Variants in EXOC4 observed in about 807,000 individuals in gnomAD.
EXOC4 encodes the protein exocyst complex component 4.
In EXOC4, 71 loss-of-function variants were observed where a neutral mutation model predicts 107.2. The ratio of observed to expected loss-of-function variants is 0.66; its 90% CI spans 0.55 to 0.81. The LOEUF (loss-of-function observed/expected upper bound fraction) is 0.81, where lower values mean the gene tolerates loss of function less well. Among genes scored for constraint, EXOC4 ranks in the 30% least tolerant of loss-of-function variants. EXOC4 has a pLI of 0.00. For synonymous variants in EXOC4, 456 were observed against 441.2 expected (o/e 1.03, Z -0.42); for missense variants, 1,108 against 1,189.6 (o/e 0.93, Z 1.01).
chr7:133,777,060 T>C (rs1391786438), intron 10 of EXOC4, among the ~76,000 whole-genome samples: 7 of 152,160 alleles, frequency 4.6e-5, no homozygotes, highest in Non-Finnish European at 1.0e-4. Flanking sequence ...TTAATTTATA[T>C]TTTTAAACAT....
At chr7:134,042,021 A>G (rs907411507) in intron 17 of EXOC4, among the ~76,000 whole-genome samples, 1 of 152,102 alleles carries the variant, frequency 6.6e-6, no homozygotes, top group Non-Finnish European at 1.5e-5. Context: ...CGATCATATA[A>G]TATGTAGCAG....
chr7:134,001,519 A>G (rs1344095995), intron 15 of EXOC4, among the ~76,000 whole-genome samples: 4 of 152,100 alleles, frequency 2.6e-5, no homozygotes, highest in African/African-American at 9.7e-5. Context: ...ATAATACCTT[A>G]AAGAAAGGTT....
chr7:133,607,517 A>G (rs1801977191), intron 9 of EXOC4, among the ~76,000 whole-genome samples: 1 of 152,222 alleles, frequency 6.6e-6, no homozygotes, highest in African/African-American at 2.4e-5. Flanking sequence ...CTGCATAACA[A>G]TATTTAAATG....
chr7:133,775,085 GT>G (rs1012570699), intron 10 of EXOC4, among the ~76,000 whole-genome samples: 6 of 152,110 alleles, frequency 3.9e-5, no homozygotes, highest in African/African-American at 1.4e-4. Flanking sequence ...AATTATGGCA[GT>G]TTTTCAAAAA....
the EXOC4 span, among the ~76,000 whole-genome samples, chr7:134,074,804 G>A: frequency 1.1e-3 from 162 of 152,340 alleles, 1 homozygote; most frequent in Admixed American, 3.9e-3. Flanking sequence ...ATGGAGTATC[G>A]TAAGCCAGTG....
At chr7:133,914,816 G>T (rs1156882147) in intron 12 of EXOC4, among the ~76,000 whole-genome samples, 1 of 152,170 alleles carries the variant, frequency 6.6e-6, no homozygotes, top group Non-Finnish European at 1.5e-5. Flanking sequence ...CAGACCACAT[G>T]AGGAAATACA....
intron 10 of EXOC4, among the ~76,000 whole-genome samples, chr7:133,815,924 A>G (rs1797358116): frequency 6.6e-6 from 1 of 152,238 alleles, no homozygotes; most frequent in Admixed American, 6.5e-5. Flanking sequence ...TTTGTTGGCC[A>G]ATTCCCTCTT....
At chr7:133,756,536 G>C (rs1795920990) in intron 10 of EXOC4, among the ~76,000 whole-genome samples, 1 of 152,118 alleles carries the variant, frequency 6.6e-6, no homozygotes, top group Non-Finnish European at 1.5e-5. Context: ...TCACCTTTTT[G>C]TGTCATATAC....
downstream of EXOC4, among the ~76,000 whole-genome samples, chr7:134,068,859 G>A (rs533012583): frequency 2.6e-5 from 4 of 152,278 alleles, no homozygotes; most frequent in African/African-American, 7.2e-5. Flanking sequence ...AGTCATATCC[G>A]TGAATTTCGT....
At chr7:133,506,508 C>T (rs1415498216) in intron 9 of EXOC4, among the ~76,000 whole-genome samples, 1 of 152,026 alleles carries the variant, frequency 6.6e-6, no homozygotes, top group Non-Finnish European at 1.5e-5. Flanking sequence ...TTCACACAGA[C>T]ATATTTTCTA....
intron 6 of EXOC4, among the ~76,000 whole-genome samples, chr7:133,357,576 CAAG>C (rs1446925536): frequency 6.6e-6 from 1 of 152,164 alleles, no homozygotes. Flanking sequence ...GTGTGACAAA[CAAG>C]AAGAAATCAT....
intron 14 of EXOC4, among the ~76,000 whole-genome samples, chr7:133,959,518 A>G (rs201098856): frequency 6.6e-6 from 1 of 151,924 alleles, no homozygotes; most frequent in East Asian, 1.9e-4. Context: ...TTAGGTCTAC[A>G]GAGAAAAAAA....
At chr7:133,628,849 T>G (rs933430878) in intron 9 of EXOC4, among the ~76,000 whole-genome samples, 31 of 152,144 alleles carry the variant, frequency 2.0e-4, no homozygotes, top group African/African-American at 7.2e-4. Flanking sequence ...AACCTTCTGA[T>G]AGCATCAAGA....
Position 133,352,175 on chromosome 7 carries a change from A to G in EXOC4, c.764-4155A>G, listed in dbSNP as rs539503654. On this transcript the variant is annotated intron_variant, in intron 5 of 17. Transcript: ENST00000253861. ...GCTGTTTTGGGGTAGAGTGTTCTGT[A>G]TGTGTCTGTTAGATCTAGTTGGTTG... Among the ~76,000 whole-genome samples, 11 of 151,922 alleles carry G rather than the reference A, an allele frequency of 7.2e-5. No individual in the cohort carries two copies. The East Asian group carries it at 2.1e-3, about 29-fold the overall frequency.
intron 7 of EXOC4, among the ~76,000 whole-genome samples, chr7:133,411,148 A>G (rs866056431): frequency 6.6e-6 from 1 of 152,162 alleles, no homozygotes; most frequent in Non-Finnish European, 1.5e-5. Flanking sequence ...TCCATATACT[A>G]TACCCCAAAT....
intron 11 of EXOC4, among the ~76,000 whole-genome samples, chr7:133,848,524 G>T (rs1456329387): frequency 1.3e-5 from 2 of 152,234 alleles, no homozygotes; most frequent in Non-Finnish European, 2.9e-5. Context: ...TTGTATCTTA[G>T]ATAGAATGGT....
intron 9 of EXOC4, among the ~76,000 whole-genome samples, chr7:133,583,833 C>T (rs996999927): frequency 6.6e-6 from 1 of 152,022 alleles, no homozygotes. Flanking sequence ...GGATTTTAAG[C>T]AGAGGATTGG....
chr7:133,545,209 A>C (rs1017301488), intron 9 of EXOC4, among the ~76,000 whole-genome samples: 1 of 152,096 alleles, frequency 6.6e-6, no homozygotes, highest in African/African-American at 2.4e-5. Flanking sequence ...AAGAAATGAA[A>C]TGTCTCTCAA....
intron 11 of EXOC4, among the ~76,000 whole-genome samples, chr7:133,830,391 AGAG>A (rs1255015337): frequency 2.0e-5 from 3 of 152,242 alleles, no homozygotes; most frequent in Admixed American, 2.0e-4. Context: ...TGCCTCGTGA[AGAG>A]GAGGAGTACA....
Sources: allele counts gnomAD v4.1 joint callset (sites outside exome capture counted in the v4.1 genomes callset), GRCh38; gene constraint gnomAD v4.1.1; transcripts MANE v1.5; gene names NCBI Gene and HGNC (gene_info 2026-07-23, HGNC 2026-07-21).